The following SLITRK3 variants were observed in gnomAD, a reference collection of about 807,000 sequenced individuals.
The protein encoded by SLITRK3 is SLIT and NTRK like family member 3.
In SLITRK3, 16 loss-of-function variants were observed where a neutral mutation model predicts 63.6. The ratio of observed to expected loss-of-function variants is 0.25; its 90% confidence interval spans 0.17 to 0.38. SLITRK3 has a LOEUF of 0.38. SLITRK3 is among the 10% of genes least tolerant of loss of function. The pLI is 1.00. For synonymous variants in SLITRK3, 547 were observed against 451.6 expected, an observed-to-expected ratio of 1.21 and a Z score of -2.68; for missense variants, 1,117 against 1,181.4, an observed-to-expected ratio of 0.95 and a Z score of 0.80.
chr3:165,190,647 C>T lies in SLITRK3; in HGVS notation c.184G>A (p.Asp62Asn). The T allele has an allele frequency of 6.2e-7, 1 of 1,614,004 alleles. No individual in the cohort carries two copies. Residue 62 changes from aspartate to asparagine, a missense_variant, in exon 2 of 2, where the codon GAC becomes AAC. By Grantham distance (23) the Asp-to-Asn change is conservative (BLOSUM62 1). Coordinates refer to ENST00000475390, the MANE Select transcript of SLITRK3 (RefSeq NM_001318810.2). Reference sequence around the variant, plus strand: ...CTAATATTTGTAAATCCTTTACTGTCACAATGTATATGAAAGAGGCTTTCT... The same window carrying T: ...CTAATATTTGTAAATCCTTTACTGTTACAATGTATATGAAAGAGGCTTTCT... ...VKESLFHIHC[D>N]SKGFTNISQI...
chr3:165,188,421 T>C lies in SLITRK3; in HGVS notation c.2410A>G (p.Asn804Asp), dbSNP rs200033951. 2.2e-5 allele frequency: 36 copies of C among 1,613,766 alleles called. No homozygotes were observed. The highest frequency in any genetic ancestry group is 2.4e-5 in the Non-Finnish European group (28 of 1,179,910). ...SEQFAETPKE[N>D]HSNYRTLLEK... Reference sequence around the variant, plus strand: ...AGCAAGGTCCGGTAGTTACTATGGTTCTCCTTGGGTGTCTCAGCAAACTGC... The same window carrying C: ...AGCAAGGTCCGGTAGTTACTATGGTCCTCCTTGGGTGTCTCAGCAAACTGC... The change falls in exon 2 of 2, where the codon AAC (asparagine) becomes GAC (aspartate). Residue 804 changes from asparagine (N) to aspartate (D), a missense_variant. Physicochemically the swap from Asn to Asp is conservative, Grantham distance 23. Around this residue, in one of 4 missense-constraint regions of SLITRK3, gnomAD observed 499 missense variants for 463.6 expected, o/e 1.08. Coordinates refer to ENST00000475390, the MANE Select transcript of SLITRK3 (RefSeq NM_001318810.2).
intron 1 of SLITRK3, 136 bp from the exon 2 acceptor site, chr3:165,190,987 C>T (rs1415338115): frequency 1.2e-5 from 7 of 602,992 alleles, no homozygotes; most frequent in Admixed American, 3.1e-5. Flanking sequence ...GATGAGCTAG[C>T]AACATACTTA....
Position 165,190,111 on chromosome 3 carries a change from A to G in SLITRK3, c.720T>C (p.Ile240=), listed in dbSNP as rs757998983. 3.7e-6 allele frequency: 6 copies of G among 1,614,168 alleles called. No homozygotes were observed. The South Asian group carries it at 6.6e-5, about 18-fold the overall frequency. The change falls in exon 2 of 2, where the codon ATT becomes ATC. Residue 240 remains isoleucine (I), a synonymous_variant. Coordinates refer to ENST00000475390, the MANE Select transcript of SLITRK3 (RefSeq NM_001318810.2). ...GTTCCAGCCAACTCTTCAGTTGTAC[A>G]ATTTCACATGTACAGTTCCAAGGGT... is the stretch of plus-strand genomic sequence containing the variant. ...EENPWNCTCE[I]VQLKSWLERI...
In SLITRK3 at chr3:165,188,297, C is replaced by T. The variant is rs762312693; in HGVS notation, c.2534G>A (p.Gly845Glu). 6.2e-7 allele frequency: 1 copy of T among 1,613,958 alleles called. No individual in the cohort carries two copies. Among genetic ancestry groups the T allele is most frequent in the South Asian group, 1.1e-5 (1 of 91,066 alleles). Residue 845 changes from glycine (G) to glutamate (E), a missense_variant, in exon 2 of 2, where the codon GGG becomes GAG. Gly to Glu is a moderately conservative substitution (Grantham distance 98). This residue lies in a region of SLITRK3 where 499 missense variants were observed against 463.6 expected (regional missense o/e 1.08). Transcript: ENST00000475390. ...HHHPHHPAVG[G>E]VSGVVGGTGG... ...AGTTCCCCCAACTACTCCTGAAACC[C>T]CACCAACTGCTGGGTGGTGAGGGTG... is the stretch of plus-strand genomic sequence containing the variant.
chr3:165,193,106 A>AGTGTGTGTGT (rs35240347), intron 1 of SLITRK3, among the ~76,000 whole-genome samples: 11 of 143,342 alleles, frequency 7.7e-5, no homozygotes, highest in African/African-American at 2.6e-4. Flanking sequence ...CAGTTGAGTG[A>AGTGTGTGTGT]GTGTGTGTGT....
Position 165,189,382 on chromosome 3 carries a change from G to C in SLITRK3, c.1449C>G (p.His483Gln). ...TGACATTGAACTCAAAGTACAAGTA[G>C]TGCAAACTCTGTAGGCCTCGGAACA... ...PGMFRGLQSL[H>Q]YLYFEFNVIR... The change falls in exon 2 of 2, where the codon CAC (histidine) becomes CAG (glutamine). Residue 483 changes from histidine to glutamine, a missense_variant. Around this residue, in one of 4 missense-constraint regions of SLITRK3, gnomAD observed 158 missense variants for 197.2 expected, o/e 0.80. Transcript: ENST00000475390. This position sits in a 1 kb window ranked among gnomAD's most constrained non-coding sequence, Gnocchi z 4.0. The C allele has an allele frequency of 1.9e-6, 3 of 1,614,042 alleles. No individual in the cohort carries two copies. The highest frequency in any genetic ancestry group is 2.5e-6 in the Non-Finnish European group (3 of 1,180,038).
chr3:165,190,262 G>T lies in SLITRK3; in HGVS notation c.569C>A (p.Thr190Asn), dbSNP rs746810866. Reference sequence around the variant, plus strand: ...TAAAGAGACAGCCTTAAATAAATTGGTTGGAAGCATGGGGATGAGATTATC... The same window carrying T: ...TAAAGAGACAGCCTTAAATAAATTGTTTGGAAGCATGGGGATGAGATTATC... ...LNDNLIPMLP[T>N]NLFKAVSLTH... The change falls in exon 2 of 2, where the codon ACC becomes AAC. Residue 190 changes from threonine to asparagine, a missense_variant. Physicochemically the swap from Thr to Asn is moderately conservative, Grantham distance 65. This residue lies in a region of SLITRK3 where 452 missense variants were observed against 495.3 expected (regional missense o/e 0.91). Transcript: ENST00000475390. The T allele has an allele frequency of 1.9e-6, 3 of 1,614,088 alleles. No homozygotes were observed. The Admixed American group carries it at 5.0e-5, about 27-fold the overall frequency.
Position 165,187,748 on chromosome 3 carries a change from G to C in SLITRK3, c.*149C>G. 1.6e-6 allele frequency: 1 copy of C among 614,750 alleles called. No homozygotes were observed. The highest frequency in any genetic ancestry group is 2.8e-6 in the Non-Finnish European group (1 of 356,482). The allele number at this position is 614,750 out of a possible 1,614,324, so 38.1% of individuals were successfully genotyped here. A position where few individuals can be genotyped will look rare whatever the true frequency, so the allele number is the denominator to read the frequency against. On this transcript the variant is annotated 3_prime_UTR_variant, in exon 2 of 2. Coordinates refer to ENST00000475390, the MANE Select transcript of SLITRK3 (RefSeq NM_001318810.2). ...GGAGAGCATACATCTGTATTCTCTA[G>C]TTATCATGCGGTTTTAGTTTTGTTC...
rs924059410 is a variant in SLITRK3, at chr3:165,187,631, T to A, written c.*266A>T. The A allele has an allele frequency of 5.9e-6, 2 of 341,802 alleles. No individual in the cohort carries two copies. Among genetic ancestry groups the A allele is most frequent in the African/African-American group, 4.2e-5 (2 of 48,122 alleles). 21.2% of individuals were successfully genotyped at this position (341,802 alleles called of 1,614,324 possible). On this transcript the variant is annotated 3_prime_UTR_variant, in exon 2 of 2. Transcript: ENST00000475390. ...AGTCTCAAGTTTCAGTATAAAAAAA[T>A]AATGATAACATTTGCTGGCAAAAGT... is the stretch of plus-strand genomic sequence containing the variant.
At chr3:165,196,897 G>GTCTGTCTCTCTCTCTCTCTC (rs1718450127), upstream of SLITRK3, 10 of 96,528 alleles carry the variant, frequency 1.0e-4, no homozygotes, top group African/African-American at 3.3e-4. Flanking sequence ...CTCTCTCTCT[G>GTCTGTCTCTCTCTCTCTCTC]TCTCTCTCTC....
chr3:165,189,115 G>A lies in SLITRK3; in HGVS notation c.1716C>T (p.Pro572=), dbSNP rs1031430500. The change falls in exon 2 of 2, where the codon CCC becomes CCT. Residue 572 remains proline, a synonymous_variant. Coordinates refer to ENST00000475390, the MANE Select transcript of SLITRK3 (RefSeq NM_001318810.2). This position sits in a 1 kb window ranked among gnomAD's most constrained non-coding sequence, Gnocchi z 4.0. The part of the protein sequence containing the change: ...NPWDCTCDLV[P]FKQWIETISS... ...TGATGGTTTCGATCCACTGTTTAAA[G>A]GGGACCAGGTCACAGGTGCAGTCCC... The A allele has an allele frequency of 7.4e-6, 12 of 1,614,178 alleles. No homozygotes were observed. Among genetic ancestry groups the A allele is most frequent in the Non-Finnish European group, 1.0e-5 (12 of 1,180,040 alleles).
intron 1 of SLITRK3, 67 bp downstream of exon 1, chr3:165,195,513 T>C (rs1718383503): frequency 6.6e-6 from 1 of 152,236 alleles, no homozygotes; most frequent in Non-Finnish European, 1.5e-5. Flanking sequence ...TGCTCTACAA[T>C]GCACATCCTA....
intron 1 of SLITRK3, among the ~76,000 whole-genome samples, chr3:165,191,133 A>G (rs574437849): frequency 6.4e-4 from 98 of 152,356 alleles, no homozygotes; most frequent in Non-Finnish European, 1.2e-3. Flanking sequence ...TTGCCTCTGT[A>G]TAACAAACAA....
At chr3:165,192,533 T>C (rs1393116131) in intron 1 of SLITRK3, among the ~76,000 whole-genome samples, 1 of 151,922 alleles carries the variant, frequency 6.6e-6, no homozygotes, top group Non-Finnish European at 1.5e-5. Context: ...CGGGTTTTTT[T>C]GTAATTTATT....
Position 165,188,163 on chromosome 3 carries a change from G to T in SLITRK3, c.2668C>A (p.Pro890Thr), listed in dbSNP as rs550891799. 5 of 1,613,660 alleles carry T rather than the reference G, an allele frequency of 3.1e-6. No homozygotes were observed. In the African/African-American group the frequency reaches 6.7e-5, roughly 22 times the overall value. ...CCCACTGTGCAGGGGGCAGGCTGTG[G>T]CCTCTCTCGATCTAGTAGCATACTG... Reference protein sequence around the residue: ...SGSMLLDRERPQPAPCTVGFV... With the variant: ...SGSMLLDRERTQPAPCTVGFV... The change falls in exon 2 of 2, where the codon CCA (proline) becomes ACA (threonine). Residue 890 changes from proline (P) to threonine (T), a missense_variant. Pro to Thr is a conservative substitution (Grantham distance 38). Coordinates refer to ENST00000475390, the MANE Select transcript of SLITRK3 (RefSeq NM_001318810.2).
intron 1 of SLITRK3, 76 bp downstream of exon 1, chr3:165,195,504 G>A (rs975609238): frequency 1.3e-5 from 2 of 152,244 alleles, no homozygotes; most frequent in African/African-American, 4.8e-5. Flanking sequence ...AACTCGATGT[G>A]CTCTACAATG....
chr3:165,193,091 C>G (rs1219943008), intron 1 of SLITRK3, among the ~76,000 whole-genome samples: 2 of 149,436 alleles, frequency 1.3e-5, no homozygotes, highest in Non-Finnish European at 3.0e-5. Flanking sequence ...GAACCCCTGA[C>G]TATACAGTTG....
chr3:165,194,933 G>GT (rs1718366661), intron 1 of SLITRK3, among the ~76,000 whole-genome samples: 1 of 152,116 alleles, frequency 6.6e-6, no homozygotes, highest in African/African-American at 2.4e-5. Flanking sequence ...TGGGGCCCCA[G>GT]TTTTTTCCGT....
chr3:165,195,457 C>G (rs1455341728), intron 1 of SLITRK3, 123 bp downstream of exon 1: 1 of 152,346 alleles, frequency 6.6e-6, no homozygotes, highest in Non-Finnish European at 1.5e-5. Context: ...GCAACAAACC[C>G]CTAGCACCTG....
Sources: allele counts gnomAD v4.1 joint callset (sites outside exome capture counted in the v4.1 genomes callset), GRCh38; gene constraint gnomAD v4.1.1; regional missense constraint gnomAD v4.1.1; non-coding constraint Gnocchi (gnomAD v3.1); transcripts MANE v1.5; gene names NCBI Gene and HGNC (gene_info 2026-07-23, HGNC 2026-07-21).